Variants in PADI1 observed in about 807,000 individuals in gnomAD.
The protein encoded by PADI1 is peptidyl arginine deiminase 1.
Under a neutral mutation model 74.8 loss-of-function variants are expected in PADI1, and 65 were observed. That is an observed-to-expected ratio of 0.87 (90% CI 0.71 to 1.07). PADI1 has a LOEUF of 1.07. Ranked by LOEUF, PADI1 falls within the 50% of genes least tolerant of loss-of-function variation. PADI1 has a pLI of 0.00. For missense variants in PADI1, 943 were observed against 854.0 expected, an observed-to-expected ratio of 1.10 and a Z score of -1.30; for synonymous variants, 371 against 336.2, an observed-to-expected ratio of 1.10 and a Z score of -1.13.
In PADI1 at chr1:17,222,477, G is replaced by A. The variant is rs768751124; in HGVS notation, c.273+7G>A. 3 of 1,607,820 alleles carry A rather than the reference G, an allele frequency of 1.9e-6. No individual in the cohort carries two copies. The highest frequency in any genetic ancestry group is 2.2e-5 in the South Asian group (2 of 90,964). On this transcript the variant is annotated splice_region_variant and intron_variant, in intron 2 of 15. Transcript: ENST00000375471. ...GGAATTAAAGGACTTCAAGGTAAGA[G>A]GCCACTTTCTCATAGAAAAGGGTTG...
In PADI1 at chr1:17,225,869, G is replaced by A. The variant is rs367908904; in HGVS notation, c.467G>A (p.Arg156Gln). The A allele has an allele frequency of 9.3e-6, 15 of 1,614,006 alleles. No individual in the cohort carries two copies. Among genetic ancestry groups the A allele is most frequent in the South Asian group, 2.2e-5 (2 of 91,078 alleles). The change falls in exon 5 of 16, where the codon CGG becomes CAG. Residue 156 changes from arginine (R) to glutamine (Q), a missense_variant. Physicochemically the swap from Arg to Gln is conservative, Grantham distance 43. Coordinates refer to ENST00000375471, the MANE Select transcript of PADI1 (RefSeq NM_013358.3). ...GCTATCTTGCTGGTGAACTGTGACC[G>A]GGACAATCACAGGTCCGCAGAGCCT... ...YGAILLVNCDRDNHRSAEPDL... is the reference protein window; with the variant it reads ...YGAILLVNCDQDNHRSAEPDL...
chr1:17,219,463 T>C (rs534389526), intron 1 of PADI1, among the ~76,000 whole-genome samples: 1 of 152,234 alleles, frequency 6.6e-6, no homozygotes, highest in Admixed American at 6.5e-5. Context: ...GTGCAGTTTT[T>C]TGATAATAAC....
chr1:17,217,267 T>C (rs1005985394), intron 1 of PADI1, among the ~76,000 whole-genome samples: 10 of 152,168 alleles, frequency 6.6e-5, no homozygotes, highest in African/African-American at 2.2e-4. Flanking sequence ...TGAAACTCCA[T>C]GGATCACCTG....
chr1:17,237,725 C>T (rs1410208629), intron 12 of PADI1, among the ~76,000 whole-genome samples: 3 of 152,210 alleles, frequency 2.0e-5, no homozygotes, highest in Non-Finnish European at 4.4e-5. Context: ...GTGCCAGATA[C>T]TCACATGTTT....
chr1:17,238,506 GGAGA>G, intron 12 of PADI1, 106 bp from the exon 13 acceptor site: 1 of 464,586 alleles, frequency 2.2e-6, no homozygotes, highest in Non-Finnish European at 3.8e-6. Flanking sequence ...AGACCGAGTG[GGAGA>G]GGGGAGTCCC....
intron 11 of PADI1, 48 bp from the exon 12 acceptor site, chr1:17,237,266 A>G: frequency 6.4e-7 from 1 of 1,551,036 alleles, no homozygotes; most frequent in Non-Finnish European, 8.7e-7. Flanking sequence ...GCAAGGCCTG[A>G]TGCCTCTCAG....
At chr1:17,210,996 A>C (rs1557448071) in intron 1 of PADI1, among the ~76,000 whole-genome samples, 2 of 152,134 alleles carry the variant, frequency 1.3e-5, no homozygotes, top group Non-Finnish European at 2.9e-5. Context: ...CTTCCATCCT[A>C]GTTGGAGAGT....
chr1:17,243,789 A>C (rs879268679), intron 15 of PADI1, among the ~76,000 whole-genome samples: 11 of 152,152 alleles, frequency 7.2e-5, no homozygotes, highest in Admixed American at 3.3e-4. Flanking sequence ...AATTCCTGGT[A>C]GTCCTGGCTG....
chr1:17,238,204 C>G (rs2072692709), intron 12 of PADI1, among the ~76,000 whole-genome samples: 1 of 152,198 alleles, frequency 6.6e-6, no homozygotes, highest in African/African-American at 2.4e-5. Flanking sequence ...CCATGCCCAG[C>G]TAATTTTTTG....
rs200170680 is a variant in PADI1 at position 17,225,941 on chromosome 1, A to G, written c.526+13A>G. The G allele has an allele frequency of 1.1e-5, 18 of 1,613,334 alleles. No homozygotes were observed. The East Asian group carries it at 2.5e-4, about 22-fold the overall frequency. Reference sequence around the variant, plus strand: ...ATGTCGCTGGCTGGTGAGTGACACAAGGTGTTGTCTGGGGAGTGGGGAAGG... The same window carrying G: ...ATGTCGCTGGCTGGTGAGTGACACAGGGTGTTGTCTGGGGAGTGGGGAAGG... On this transcript the variant is annotated intron_variant, in intron 5 of 15. Coordinates refer to ENST00000375471, the MANE Select transcript of PADI1 (RefSeq NM_013358.3).
At chr1:17,239,603 G>A in intron 13 of PADI1, 101 bp from the exon 14 acceptor site, 1 of 858,430 alleles carries the variant, frequency 1.2e-6, no homozygotes. Context: ...CCCTGGCACT[G>A]AGGTAGGAGG....
intron 2 of PADI1, 69 bp downstream of exon 2, chr1:17,222,539 T>C (rs1272839435): frequency 3.2e-6 from 4 of 1,234,872 alleles, no homozygotes; most frequent in African/African-American, 3.0e-5. Flanking sequence ...GAGCCCCACA[T>C]TGGCAATTCC....
intron 10 of PADI1, 46 bp downstream of exon 10, chr1:17,230,725 T>C: frequency 1.8e-6 from 2 of 1,094,282 alleles, no homozygotes; most frequent in Non-Finnish European, 2.8e-6. Context: ...TGGGTCCTCC[T>C]GGAGGCGCAC....
At chr1:17,224,462 G>A (rs372951073) in intron 4 of PADI1, 34 bp downstream of exon 4, 8 of 1,562,896 alleles carry the variant, frequency 5.1e-6, no homozygotes, top group South Asian at 1.1e-5. Context: ...AGGCTGCGGG[G>A]TTGAAAGGCA....
At position 17,223,590 on chromosome 1, in the gene PADI1, G is replaced by A. The variant is rs369791721; in HGVS notation, c.274-31G>A. ...TGCCTCCGCCATCTCTGAAGGTGAT[G>A]GCCGTGCAGGCTTAGGGCTATGTTC... On this transcript the variant is annotated intron_variant, in intron 2 of 15. Transcript: ENST00000375471. 3.2e-5 allele frequency: 50 copies of A among 1,579,500 alleles called. No homozygotes were observed. In the African/African-American group the frequency reaches 6.2e-4, roughly 20 times the overall value.
chr1:17,230,540 T>C (rs763914771), intron 9 of PADI1, 32 bp from the exon 10 acceptor site: 1 of 1,470,956 alleles, frequency 6.8e-7, no homozygotes, highest in East Asian at 2.3e-5. Flanking sequence ...CCGAAAAAGG[T>C]CACTGTGGCT....
intron 6 of PADI1, among the ~76,000 whole-genome samples, chr1:17,228,301 T>C (rs1238403746): frequency 6.6e-6 from 1 of 152,252 alleles, no homozygotes; most frequent in African/African-American, 2.4e-5. Flanking sequence ...TACGAATTAA[T>C]AATATTCCAT....
chr1:17,209,115 G>C (rs1390091125), intron 1 of PADI1, among the ~76,000 whole-genome samples: 1 of 152,224 alleles, frequency 6.6e-6, no homozygotes, highest in African/African-American at 2.4e-5. Flanking sequence ...TCGAAAACTT[G>C]TGGTATGTGT....
chr1:17,205,196 A>T lies in PADI1; in HGVS notation c.-22A>T. On this transcript the variant is annotated 5_prime_UTR_variant, in exon 1 of 16. Coordinates refer to ENST00000375471, the MANE Select transcript of PADI1 (RefSeq NM_013358.3). ...GCTGGGGAGCCAGGGCTGATCTAGG[A>T]GGCTGGGAGCCAGGTGACAGGATGG... 6.2e-7 allele frequency: 1 copy of T among 1,607,048 alleles called. No individual in the cohort carries two copies. Among genetic ancestry groups the T allele is most frequent in the Non-Finnish European group, 8.5e-7 (1 of 1,173,862 alleles).
Sources: gnomAD v4.1 joint callset for allele counts (sites outside exome capture counted in the v4.1 genomes callset) on GRCh38, gnomAD v4.1.1 for gene constraint, MANE v1.5 for transcripts, NCBI Gene and HGNC (gene_info 2026-07-23, HGNC 2026-07-21) for gene names.